Variants in ARMC6 observed in about 807,000 individuals in gnomAD.
ARMC6 encodes the protein armadillo repeat containing 6, also known as armadillo repeat-containing protein 6.
In ARMC6, 43 loss-of-function variants were observed where a neutral mutation model predicts 49.2. The ratio of observed to expected loss-of-function variants is 0.87; its 90% CI spans 0.69 to 1.13. ARMC6 has a LOEUF of 1.13. Ranked by LOEUF, ARMC6 falls within the 50% of genes most tolerant of loss-of-function variation. ARMC6 has a pLI of 0.00. For missense variants in ARMC6, 627 were observed against 682.0 expected (o/e 0.92, Z 0.90); for synonymous variants, 262 against 289.6 (o/e 0.90, Z 0.97).
At chr19:19,051,215 C>A (rs1277556770) in intron 4 of ARMC6, among the ~76,000 whole-genome samples, 1 of 152,158 alleles carries the variant, frequency 6.6e-6, no homozygotes, top group African/African-American at 2.4e-5. Flanking sequence ...CTTATTGTTT[C>A]TTGTGATTCT....
rs765313313 is a variant in ARMC6 at position 19,057,668 on chromosome 19, G to A, written c.*40G>A. On this transcript the variant is annotated 3_prime_UTR_variant, in exon 9 of 9. Coordinates refer to ENST00000535612, the MANE Select transcript of ARMC6 (RefSeq NM_001199196.2). ...TGGGCCGTGACTCTGGGTGAGTCGT[G>A]TGACTCAGGAATGGGGGTAGATCCA... 3.1e-5 allele frequency: 49 copies of A among 1,578,556 alleles called. No individual in the cohort carries two copies. Among genetic ancestry groups the A allele is most frequent in the African/African-American group, 4.0e-5 (3 of 74,278 alleles).
chr19:19,057,435 T>C lies in ARMC6; in HGVS notation c.1313T>C (p.Ile438Thr), dbSNP rs2059553611. ...CTACAGAAACAGGCTTGCATGCTGA[T>C]CCGAAACCTGGTGGCCCACGGCCAG... ...AGVQKQACML[I>T]RNLVAHGQAF... The change falls in exon 9 of 9, where the codon ATC becomes ACC. Residue 438 changes from isoleucine (I) to threonine (T), a missense_variant. Transcript: ENST00000535612. The C allele has an allele frequency of 1.2e-6, 2 of 1,613,354 alleles. No homozygotes were observed. Among genetic ancestry groups the C allele is most frequent in the South Asian group, 2.2e-5 (2 of 91,030 alleles).
In ARMC6 at chr19:19,042,785, C is replaced by A; in HGVS notation, c.104C>A (p.Thr35Asn). ...KMVSKRIAQE[T>N]FDAAVRENIE... ...GTCTCCAAGCGCATTGCCCAGGAGACCTTTGATGCAGCTGTGCGCGAGAAC... is the reference window on the plus strand; with the variant it reads ...GTCTCCAAGCGCATTGCCCAGGAGAACTTTGATGCAGCTGTGCGCGAGAAC... Residue 35 changes from threonine to asparagine, a missense_variant, in exon 3 of 9, where the codon ACC (threonine) becomes AAC (asparagine). Coordinates refer to ENST00000535612, the MANE Select transcript of ARMC6 (RefSeq NM_001199196.2). 6.2e-7 allele frequency: 1 copy of A among 1,613,998 alleles called. No individual in the cohort carries two copies. Among genetic ancestry groups the A allele is most frequent in the Middle Eastern group, 1.6e-4 (1 of 6,062 alleles).
intron 3 of ARMC6, among the ~76,000 whole-genome samples, chr19:19,043,244 G>T (rs1025190419): frequency 1.3e-5 from 2 of 152,234 alleles, no homozygotes; most frequent in Non-Finnish European, 2.9e-5. Flanking sequence ...GGCATGTTCA[G>T]ACCAGGTGCA....
chr19:19,041,570 A>C (rs1027310214), intron 2 of ARMC6, among the ~76,000 whole-genome samples: 1 of 152,214 alleles, frequency 6.6e-6, no homozygotes, highest in African/African-American at 2.4e-5. Context: ...GCTGGTCTTA[A>C]ACTCCTGACC....
chr19:19,045,590 C>T, intron 4 of ARMC6, among the ~76,000 whole-genome samples: 1 of 148,398 alleles, frequency 6.7e-6, no homozygotes, highest in Admixed American at 6.8e-5. Flanking sequence ...TGGGTTCAAG[C>T]AATTCTCCTG....
rs2059321277 is a variant in ARMC6 at position 19,034,383 on chromosome 19, AG to A, written c.29+147del. On this transcript the variant is annotated intron_variant, in intron 2 of 8. Transcript: ENST00000535612. ...GGAACTTGGAAGGCTTAGATAGAGA[AG>A]GTGCGGATAAGGAGGCTGGGTTTTG... 1.1e-5 allele frequency: 12 copies of A among 1,066,076 alleles called. No individual in the cohort carries two copies. In the South Asian group the frequency reaches 1.6e-4, roughly 14 times the overall value. 66.0% of individuals were successfully genotyped at this position (1,066,076 alleles called of 1,614,324 possible).
intron 8 of ARMC6, among the ~76,000 whole-genome samples, chr19:19,056,998 A>G (rs985627794): frequency 6.6e-6 from 1 of 152,240 alleles, no homozygotes; most frequent in African/African-American, 2.4e-5. Flanking sequence ...CACCCACAGC[A>G]GGTGCACAGG....
At chr19:19,039,903 A>G (rs1343323987) in intron 2 of ARMC6, among the ~76,000 whole-genome samples, 1 of 152,178 alleles carries the variant, frequency 6.6e-6, no homozygotes, top group Non-Finnish European at 1.5e-5. Context: ...TCACATCCCC[A>G]TGGTGTTGGT....
chr19:19,055,841 C>T lies in ARMC6; in HGVS notation c.1206C>T (p.Pro402=), dbSNP rs755311283. 36 of 1,611,686 alleles carry T rather than the reference C, an allele frequency of 2.2e-5. No homozygotes were observed. Among genetic ancestry groups the T allele is most frequent in the East Asian group, 4.5e-5 (2 of 44,864 alleles). The change falls in exon 8 of 9, where the codon CCC becomes CCT. Residue 402 remains proline (P), a synonymous_variant. Coordinates refer to ENST00000535612, the MANE Select transcript of ARMC6 (RefSeq NM_001199196.2). This position sits in a 1 kb window ranked among gnomAD's most constrained non-coding sequence, Gnocchi z 5.7. The part of the protein sequence containing the change: ...AALCFLALRK[P]DNSRIIVEGG... ...TGTGCTTCCTGGCCCTGCGTAAGCC[C>T]GACAACAGCCGCATCATCGTGGAGG...
Position 19,051,377 on chromosome 19 carries a change from G to C in ARMC6, c.280-245G>C, listed in dbSNP as rs1859007. ...TGTCTGGATCTCTCTCTCTCTCTCTGTGTGTGTGTGTGTGTGTGTGTGTGT... is the reference window on the plus strand; with the variant it reads ...TGTCTGGATCTCTCTCTCTCTCTCTCTGTGTGTGTGTGTGTGTGTGTGTGT... On this transcript the variant is annotated intron_variant, in intron 4 of 8. Transcript: ENST00000535612. Among the ~76,000 whole-genome samples, 316 of 49,762 alleles carry C rather than the reference G, an allele frequency of 6.4e-3. 2 individuals are homozygous for C. Among genetic ancestry groups the C allele is most frequent in the African/African-American group, 0.017 (166 of 9,726 alleles). 32.6% of individuals were successfully genotyped at this position (49,762 alleles called of 152,430 possible).
intron 2 of ARMC6, among the ~76,000 whole-genome samples, chr19:19,039,578 A>C (rs1053236679): frequency 6.6e-6 from 1 of 152,136 alleles, no homozygotes; most frequent in African/African-American, 2.4e-5. Context: ...GGCAACACCC[A>C]GTCTGCTTTT....
Position 19,044,115 on chromosome 19 carries a change from C to G in ARMC6, c.279+41C>G, listed in dbSNP as rs373888684. On this transcript the variant is annotated intron_variant, in intron 4 of 8. Transcript: ENST00000535612. ...CCACACAGCAGGTCCTGCGTCACCT[C>G]TGTCTGGGGGCACCTCTTCCCTGTT... 3.8e-6 allele frequency: 6 copies of G among 1,569,034 alleles called. No homozygotes were observed. The African/African-American group carries it at 8.1e-5, about 21-fold the overall frequency.
Position 19,055,477 on chromosome 19 carries a change from A to G in ARMC6, c.1155+81A>G, listed in dbSNP as rs1013651788. ...AGTTTCTGTATCTGCATGAAGCTCT[A>G]TTCCCCTGCAGGGCCAGGGCAGGGC... On this transcript the variant is annotated intron_variant, in intron 7 of 8. Transcript: ENST00000535612. This position sits in a 1 kb window ranked among gnomAD's most constrained non-coding sequence, Gnocchi z 5.7. 9.0e-5 allele frequency: 136 copies of G among 1,508,670 alleles called. No individual in the cohort carries two copies. The highest frequency in any genetic ancestry group is 1.2e-4 in the Non-Finnish European group (133 of 1,127,934). The allele number at this position is 1,508,670 out of a possible 1,614,324, so 93.5% of individuals were successfully genotyped here.
intron 8 of ARMC6, 61 bp from the exon 9 acceptor site, chr19:19,057,355 G>C (rs2059553002): frequency 1.4e-6 from 2 of 1,439,942 alleles, no homozygotes; most frequent in Admixed American, 3.6e-5. Context: ...AAGACCCTGA[G>C]GTCAGAGTGG....
At chr19:19,036,151 TC>T (rs2059365547) in intron 2 of ARMC6, among the ~76,000 whole-genome samples, 1 of 152,154 alleles carries the variant, frequency 6.6e-6, no homozygotes, top group South Asian at 2.1e-4. Flanking sequence ...AACCTCCACC[TC>T]CCGGGTTCAA....
At position 19,033,645 on chromosome 19, in the gene ARMC6, G is replaced by T; in HGVS notation, c.-365G>T. 9.8e-7 allele frequency: 1 copy of T among 1,024,612 alleles called. No individual in the cohort carries two copies. Among genetic ancestry groups the T allele is most frequent in the Middle Eastern group, 4.0e-4 (1 of 2,530 alleles). 63.5% of individuals were successfully genotyped at this position (1,024,612 alleles called of 1,614,324 possible). A position where few individuals can be genotyped will look rare whatever the true frequency, so the allele number is the denominator to read the frequency against. On this transcript the variant is annotated 5_prime_UTR_variant, in exon 1 of 9. Transcript: ENST00000535612. Reference sequence around the variant, plus strand: ...CGCAAGCGCGCTGTCCGCTTCTTCTGGGCGGACGCTCTGGAGGCAAAACAT... The same window carrying T: ...CGCAAGCGCGCTGTCCGCTTCTTCTTGGCGGACGCTCTGGAGGCAAAACAT...
intron 2 of ARMC6, among the ~76,000 whole-genome samples, chr19:19,034,730 AG>A (rs1246595200): frequency 6.6e-6 from 1 of 150,858 alleles, no homozygotes; most frequent in Non-Finnish European, 1.5e-5. Flanking sequence ...CTGGGACTAC[AG>A]GTGCGCAACA....
intron 2 of ARMC6, among the ~76,000 whole-genome samples, chr19:19,041,029 T>TC (rs1461252723): frequency 2.6e-5 from 4 of 151,996 alleles, no homozygotes; most frequent in Non-Finnish European, 5.9e-5. Context: ...AGACAGGGCC[T>TC]CCCCATGTTG....
Sources: gnomAD v4.1 joint callset for allele counts (sites outside exome capture counted in the v4.1 genomes callset) on GRCh38, gnomAD v4.1.1 for gene constraint, Gnocchi (gnomAD v3.1) non-coding constraint, MANE v1.5 for transcripts, NCBI Gene and HGNC (gene_info 2026-07-23, HGNC 2026-07-21) for gene names.